TNS3: variants seen among roughly 807,000 people sequenced by gnomAD.
TNS3 encodes the protein tensin 3, also known as tensin-3.
TNS3 carries 45 observed loss-of-function variants against 140.9 expected under a neutral mutation model. The observed-to-expected ratio is 0.32, with a 90% confidence interval of 0.25 to 0.41. TNS3 has a LOEUF of 0.41. Among genes scored for constraint, TNS3 ranks in the 10% least tolerant of loss-of-function variants. TNS3 has a pLI of 1.00. For missense variants in TNS3, 1,716 were observed against 1,906.7 expected (o/e 0.90, Z 1.86); for synonymous variants, 815 against 788.4 (o/e 1.03, Z -0.56).
At position 47,399,073 on chromosome 7, in the gene TNS3, G is replaced by A. The variant is rs550969333; in HGVS notation, c.919+1320C>T. Among the ~76,000 whole-genome samples the A allele has an allele frequency of 1.0e-4, 9 of 88,516 alleles. No homozygotes were observed. The South Asian group carries it at 1.5e-3, about 15-fold the overall frequency. The allele number at this position is 88,516 out of a possible 152,430, so 58.1% of individuals were successfully genotyped here. On this transcript the variant is annotated intron_variant, in intron 15 of 30. Coordinates refer to ENST00000311160, the MANE Select transcript of TNS3 (RefSeq NM_022748.12). ...AAATTAAGAACTCAATTCTTTTTAC[G>A]ACAGCTGAAAAAAAAAAAAAAAAAA...
intron 1 of TNS3, among the ~76,000 whole-genome samples, chr7:47,569,582 G>GTAT (rs1268597977): frequency 5.7e-5 from 8 of 141,548 alleles, no homozygotes; most frequent in African/African-American, 2.1e-4. Flanking sequence ...GACGGGGCGT[G>GTAT]GTGGCTCACG....
At chr7:47,549,687 C>A (rs1800011282) in intron 1 of TNS3, among the ~76,000 whole-genome samples, 1 of 152,104 alleles carries the variant, frequency 6.6e-6, no homozygotes, top group African/African-American at 2.4e-5. Context: ...AGGGAAAAGT[C>A]CATCCACCTT....
chr7:47,367,270 C>T (rs186961627), intron 17 of TNS3, among the ~76,000 whole-genome samples: 1 of 152,340 alleles, frequency 6.6e-6, no homozygotes, highest in East Asian at 1.9e-4. Context: ...CTACCTGAGA[C>T]AACCCTGCTC....
chr7:47,561,130 C>T (rs1165425831), intron 1 of TNS3, among the ~76,000 whole-genome samples: 1 of 152,226 alleles, frequency 6.6e-6, no homozygotes, highest in African/African-American at 2.4e-5. Flanking sequence ...AGGACAGATG[C>T]TCATGCCTCT....
At chr7:47,291,906 C>T (rs767325450) in intron 27 of TNS3, 49 bp downstream of exon 27, 14 of 1,595,530 alleles carry the variant, frequency 8.8e-6, no homozygotes, top group Middle Eastern at 1.7e-4. Context: ...TCAGTGAGTC[C>T]TTTTTCTCCC....
intron 1 of TNS3, among the ~76,000 whole-genome samples, chr7:47,535,666 C>T (rs1449215854): frequency 6.6e-6 from 1 of 152,212 alleles, no homozygotes; most frequent in African/African-American, 2.4e-5. Flanking sequence ...CAAGGACTCC[C>T]TGAGGGGGAC....
intron 17 of TNS3, among the ~76,000 whole-genome samples, chr7:47,358,530 T>C (rs1790132696): frequency 6.6e-6 from 1 of 152,184 alleles, no homozygotes; most frequent in Non-Finnish European, 1.5e-5. Context: ...TGGGCTGCGC[T>C]GAACATAAGT....
At chr7:47,535,425 G>A (rs1047338304) in intron 1 of TNS3, among the ~76,000 whole-genome samples, 10 of 152,188 alleles carry the variant, frequency 6.6e-5, no homozygotes, top group African/African-American at 2.2e-4. Flanking sequence ...TTAGGATAGT[G>A]TAATAACATC....
chr7:47,570,543 C>G (rs1259601333), intron 1 of TNS3, among the ~76,000 whole-genome samples: 1 of 152,252 alleles, frequency 6.6e-6, no homozygotes, highest in African/African-American at 2.4e-5. Flanking sequence ...AAGCAAAACT[C>G]CAAGAATGAA....
At chr7:47,439,944 C>T (rs969153865) in intron 5 of TNS3, among the ~76,000 whole-genome samples, 2 of 152,106 alleles carry the variant, frequency 1.3e-5, no homozygotes, top group South Asian at 2.1e-4. Flanking sequence ...AGAGCAGTGA[C>T]GCATGGGCTC....
In TNS3 at chr7:47,374,731, T is replaced by C. The variant is rs1218462207; in HGVS notation, c.1025-5110A>G. 2.0e-5 allele frequency among the ~76,000 whole-genome samples: 3 copies of C among 152,156 alleles called. No individual in the cohort carries two copies. In the East Asian group the frequency reaches 5.8e-4, roughly 29 times the overall value. ...ATTAAAGAATACCCTCCTTAACTGA[T>C]GAGAGAATGCTACTGATAATATGGT... On this transcript the variant is annotated intron_variant, in intron 16 of 30. Transcript: ENST00000311160.
intron 3 of TNS3, among the ~76,000 whole-genome samples, chr7:47,496,132 G>C (rs1797999070): frequency 6.6e-6 from 1 of 152,184 alleles, no homozygotes. Context: ...GGGGTGACAG[G>C]ATAATGGGAG....
At chr7:47,384,696 TC>T in intron 16 of TNS3, among the ~76,000 whole-genome samples, 1 of 152,272 alleles carries the variant, frequency 6.6e-6, no homozygotes, top group East Asian at 1.9e-4. Flanking sequence ...CCTGCTCTTC[TC>T]TGCATGTATC....
chr7:47,350,978 C>G (rs1789635644), intron 17 of TNS3, among the ~76,000 whole-genome samples: 1 of 152,176 alleles, frequency 6.6e-6, no homozygotes, highest in Non-Finnish European at 1.5e-5. Context: ...CTAAAATGCT[C>G]ATAAGAGCTT....
intron 4 of TNS3, among the ~76,000 whole-genome samples, chr7:47,447,249 T>A (rs753539626): frequency 7.7e-5 from 1 of 13,050 alleles, no homozygotes; most frequent in African/African-American, 2.5e-4. Context: ...GTTCCACATA[T>A]GTTTGTTTGT....
intron 13 of TNS3, 136 bp downstream of exon 13, chr7:47,411,591 G>C (rs1298306333): frequency 2.2e-6 from 2 of 896,766 alleles, no homozygotes; most frequent in African/African-American, 1.7e-5. Flanking sequence ...TAAGGTAAAA[G>C]CTACTTTTCC....
intron 2 of TNS3, among the ~76,000 whole-genome samples, chr7:47,525,140 A>G (rs2151929913): frequency 6.6e-6 from 1 of 152,370 alleles, no homozygotes; most frequent in South Asian, 2.1e-4. Context: ...CAGAGCTGGC[A>G]GCCCCGCTGC....
chr7:47,536,081 A>C lies in TNS3; in HGVS notation c.-264-6934T>G, dbSNP rs555360841. On this transcript the variant is annotated intron_variant, in intron 1 of 30. Transcript: ENST00000311160. ...GCCTCGGGGATATTTCCCAGCCCAC[A>C]GGGGGCCGGTATCTGGGGCAAGAGG... Among the ~76,000 whole-genome samples the C allele has an allele frequency of 2.0e-5, 3 of 152,336 alleles. No homozygotes were observed. In the South Asian group the frequency reaches 6.2e-4, roughly 32 times the overall value.
intron 1 of TNS3, among the ~76,000 whole-genome samples, chr7:47,569,105 T>C (rs1184177364): frequency 6.6e-6 from 1 of 152,236 alleles, no homozygotes; most frequent in Non-Finnish European, 1.5e-5. Context: ...GCTAGTGTCT[T>C]ACGTGCACTC....
Sources: allele counts gnomAD v4.1 joint callset (sites outside exome capture counted in the v4.1 genomes callset), GRCh38; gene constraint gnomAD v4.1.1; transcripts MANE v1.5; gene names NCBI Gene and HGNC (gene_info 2026-07-23, HGNC 2026-07-21).